Variants in ADAMTS14 observed in about 807,000 individuals in gnomAD.
ADAMTS14 encodes ADAM metallopeptidase with thrombospondin type 1 motif 14.
ADAMTS14 carries 100 observed loss-of-function variants against 128.6 expected under a neutral mutation model. The observed-to-expected ratio is 0.78, with a 90% CI of 0.66 to 0.92. The LOEUF (loss-of-function observed/expected upper bound fraction) is 0.92. ADAMTS14 is among the 40% of genes least tolerant of loss of function. The pLI is 0.00. For synonymous variants in ADAMTS14, 665 were observed against 653.8 expected, an observed-to-expected ratio of 1.02 and a Z score of -0.26; for missense variants, 1,562 against 1,658.6, an observed-to-expected ratio of 0.94 and a Z score of 1.01.
Position 70,744,214 on chromosome 10 carries a change from A to T in ADAMTS14, c.2182+25A>T, listed in dbSNP as rs1166727159. 5.3e-6 allele frequency: 8 copies of T among 1,497,838 alleles called. No individual in the cohort carries two copies. In the East Asian group the frequency reaches 1.8e-4, roughly 33 times the overall value. The allele number at this position is 1,497,838 out of a possible 1,614,324, so 92.8% of individuals were successfully genotyped here. On this transcript the variant is annotated intron_variant, in intron 14 of 21. Coordinates refer to ENST00000373207, the MANE Select transcript of ADAMTS14 (RefSeq NM_080722.4). ...GGTGAGCCGGGCTGGGGCTGGGGGGATGACGAGGGCTGACTGGAGTTCTTG... is the reference window on the plus strand; with the variant it reads ...GGTGAGCCGGGCTGGGGCTGGGGGGTTGACGAGGGCTGACTGGAGTTCTTG...
intron 4 of ADAMTS14, among the ~76,000 whole-genome samples, chr10:70,723,771 T>A (rs1412652745): frequency 6.6e-6 from 1 of 152,188 alleles, no homozygotes; most frequent in African/African-American, 2.4e-5. Context: ...GTGGACCTTT[T>A]ACAACCTTCT....
intron 15 of ADAMTS14, among the ~76,000 whole-genome samples, chr10:70,748,934 G>C (rs533745992): frequency 6.6e-6 from 1 of 152,214 alleles, no homozygotes; most frequent in Admixed American, 6.5e-5. Flanking sequence ...CCTTGGCCAG[G>C]TGTTGGCATC....
At chr10:70,702,181 A>G (rs1840512276) in intron 2 of ADAMTS14, 131 bp from the exon 3 acceptor site, 4 of 1,337,404 alleles carry the variant, frequency 3.0e-6, no homozygotes, top group South Asian at 1.4e-5. Context: ...GGGCTCCTCA[A>G]GGTCCTGGAG....
intron 15 of ADAMTS14, among the ~76,000 whole-genome samples, chr10:70,747,067 T>A (rs1842201049): frequency 6.6e-6 from 1 of 152,186 alleles, no homozygotes; most frequent in Non-Finnish European, 1.5e-5. Flanking sequence ...ATGCTGCCAT[T>A]CATATTTTTA....
chr10:70,736,609 C>T, intron 9 of ADAMTS14, 71 bp from the exon 10 acceptor site: 1 of 1,443,412 alleles, frequency 6.9e-7, no homozygotes, highest in Non-Finnish European at 9.5e-7. Context: ...CCTCTTTTCT[C>T]TCCATCACTA....
At chr10:70,747,775 G>C (rs74627035) in intron 15 of ADAMTS14, among the ~76,000 whole-genome samples, 1,523 of 152,280 alleles carry the variant, frequency 0.01, 12 homozygotes, top group Non-Finnish European at 0.016. Flanking sequence ...AAGCAGTGGC[G>C]GCCCAGGAGC....
At chr10:70,735,075 C>A in intron 8 of ADAMTS14, 94 bp from the exon 9 acceptor site, 1 of 1,484,112 alleles carries the variant, frequency 6.7e-7, no homozygotes, top group Non-Finnish European at 9.1e-7. Flanking sequence ...CAAATTCTTG[C>A]AGGCCTTGCT....
At chr10:70,734,089 G>C in intron 8 of ADAMTS14, 61 bp downstream of exon 8, 3 of 1,574,142 alleles carry the variant, frequency 1.9e-6, no homozygotes, top group Non-Finnish European at 2.6e-6. Flanking sequence ...ACTCTGAGCA[G>C]ACATCACACA....
At chr10:70,722,102 A>T (rs1430399199) in intron 4 of ADAMTS14, among the ~76,000 whole-genome samples, 1 of 152,076 alleles carries the variant, frequency 6.6e-6, no homozygotes, top group Non-Finnish European at 1.5e-5. Context: ...TGGCAGTGAC[A>T]CTCACCCCTG....
At chr10:70,720,395 C>T (rs531163634) in intron 4 of ADAMTS14, among the ~76,000 whole-genome samples, 3 of 152,288 alleles carry the variant, frequency 2.0e-5, no homozygotes, top group South Asian at 2.1e-4. Flanking sequence ...CTAGTGACCT[C>T]GGAGGCAGGG....
Position 70,749,650 on chromosome 10 carries a change from T to A in ADAMTS14, c.2264-172T>A, listed in dbSNP as rs557369196. ...GTGTGTGTGTGTGCGCGCACGTGGG[T>A]TTGACAGGGAGCGTGTTGACCTGTC... On this transcript the variant is annotated intron_variant, in intron 15 of 21. Transcript: ENST00000373207. 2.9e-5 allele frequency among the ~76,000 whole-genome samples: 4 copies of A among 137,094 alleles called. No homozygotes were observed. In the South Asian group the frequency reaches 8.9e-4, roughly 31 times the overall value. The allele number at this position is 137,094 out of a possible 152,430, so 89.9% of individuals were successfully genotyped here. A position where few individuals can be genotyped will look rare whatever the true frequency, so the allele number is the denominator to read the frequency against.
chr10:70,710,864 G>A (rs1033711037), intron 4 of ADAMTS14, among the ~76,000 whole-genome samples: 8 of 152,196 alleles, frequency 5.3e-5, no homozygotes, highest in Admixed American at 2.0e-4. Context: ...TTCTGGGAAC[G>A]GGACAGTTGA....
At chr10:70,736,351 A>T (rs1164662089) in intron 9 of ADAMTS14, among the ~76,000 whole-genome samples, 1 of 152,008 alleles carries the variant, frequency 6.6e-6, no homozygotes, top group Non-Finnish European at 1.5e-5. Flanking sequence ...GGCACTGTGA[A>T]CCCAGACCTC....
At chr10:70,752,331 A>G in intron 18 of ADAMTS14, 104 bp downstream of exon 18, 3 of 1,457,376 alleles carry the variant, frequency 2.1e-6, no homozygotes, top group Non-Finnish European at 9.2e-7. Flanking sequence ...GGTTATGGAG[A>G]CACGACCATA....
intron 4 of ADAMTS14, among the ~76,000 whole-genome samples, chr10:70,726,727 T>C (rs886451996): frequency 6.6e-6 from 1 of 152,094 alleles, no homozygotes; most frequent in Non-Finnish European, 1.5e-5. Context: ...AAAGACTCCT[T>C]AGTTTAGAAT....
At chr10:70,675,031 C>T in intron 2 of ADAMTS14, 36 bp downstream of exon 2, 8 of 1,592,050 alleles carry the variant, frequency 5.0e-6, no homozygotes, top group Middle Eastern at 1.9e-4. Context: ...TGCATCCTCC[C>T]CCTCCCATGC....
At chr10:70,760,220 C>G in intron 21 of ADAMTS14, 140 bp from the exon 22 acceptor site, 3 of 1,141,906 alleles carry the variant, frequency 2.6e-6, no homozygotes, top group Non-Finnish European at 2.4e-6. Flanking sequence ...TAGCCCCCAC[C>G]CTGAGAAAAA....
At chr10:70,726,531 G>GC (rs1266803025) in intron 4 of ADAMTS14, among the ~76,000 whole-genome samples, 1 of 152,218 alleles carries the variant, frequency 6.6e-6, no homozygotes, top group Non-Finnish European at 1.5e-5. Context: ...CACAGATGTG[G>GC]CTGTGCAGAG....
At chr10:70,739,129 CA>C (rs1841919023) in intron 11 of ADAMTS14, 139 bp downstream of exon 11, 10 of 1,098,900 alleles carry the variant, frequency 9.1e-6, no homozygotes, top group Admixed American at 5.8e-5. Flanking sequence ...CATGAGGACA[CA>C]AACTTGTTGG....
Sources: allele counts gnomAD v4.1 joint callset (sites outside exome capture counted in the v4.1 genomes callset), GRCh38; gene constraint gnomAD v4.1.1; transcripts MANE v1.5; gene names NCBI Gene and HGNC (gene_info 2026-07-23, HGNC 2026-07-21).